RAPGEF4: variants seen among roughly 807,000 people sequenced by gnomAD.
RAPGEF4 encodes the protein RAP guanine-nucleotide-exchange factor (GEF) 4.
RAPGEF4 carries 66 observed loss-of-function variants against 147.9 expected under a neutral mutation model. The ratio of observed to expected loss-of-function variants is 0.45; its 90% CI spans 0.37 to 0.55. The LOEUF (loss-of-function observed/expected upper bound fraction) is 0.55, where lower values mean the gene tolerates loss of function less well. RAPGEF4 is among the 20% of genes least tolerant of loss of function. The probability of loss-of-function intolerance (pLI) is 0.00; values close to 1 mark genes in which losing one functional copy is unlikely to be tolerated. For synonymous variants in RAPGEF4, 419 were observed against 442.7 expected (o/e 0.95, Z 0.67); for missense variants, 1,071 against 1,257.3 (o/e 0.85, Z 2.24).
chr2:172,925,598 ACAC>A (rs1685207443), intron 6 of RAPGEF4, among the ~76,000 whole-genome samples: 1 of 151,548 alleles, frequency 6.6e-6, no homozygotes, highest in South Asian at 2.1e-4. Flanking sequence ...ACACACACAC[ACAC>A]ACACACACAC....
At chr2:172,859,500 A>T (rs1352600987) in intron 4 of RAPGEF4, among the ~76,000 whole-genome samples, 1 of 152,240 alleles carries the variant, frequency 6.6e-6, no homozygotes, top group African/African-American at 2.4e-5. Context: ...TGTTGATAGC[A>T]GGTTGCAACA....
At chr2:172,811,117 T>A (rs1374780371) in intron 3 of RAPGEF4, among the ~76,000 whole-genome samples, 2 of 152,218 alleles carry the variant, frequency 1.3e-5, no homozygotes, top group African/African-American at 2.4e-5. Flanking sequence ...ATCTTCCCAC[T>A]CTCATGTCCT....
At chr2:172,970,879 C>T (rs894250374) in intron 10 of RAPGEF4, among the ~76,000 whole-genome samples, 5 of 152,106 alleles carry the variant, frequency 3.3e-5, no homozygotes, top group Admixed American at 6.6e-5. Context: ...TCACAATGCC[C>T]GTCCTGGTTT....
At chr2:172,889,522 C>T (rs1184650377) in intron 4 of RAPGEF4, among the ~76,000 whole-genome samples, 2 of 152,066 alleles carry the variant, frequency 1.3e-5, no homozygotes, top group African/African-American at 4.8e-5. Context: ...TGCCTCTTCT[C>T]CCACAGAGGT....
At chr2:172,763,088 T>C (rs1432449646) in intron 1 of RAPGEF4, among the ~76,000 whole-genome samples, 1 of 152,210 alleles carries the variant, frequency 6.6e-6, no homozygotes, top group Non-Finnish European at 1.5e-5. Context: ...AATCTTTTTC[T>C]AACTTGATGA....
Position 173,041,132 on chromosome 2 carries a change from T to C in RAPGEF4, c.2853+4440T>C, listed in dbSNP as rs970296546. On this transcript the variant is annotated intron_variant, in intron 29 of 30. Transcript: ENST00000397081. ...GCTAATTCATTAAGGAAGAGAAATG[T>C]TTTGAATCCTTTTATTTTTGTATCA... 3.9e-5 allele frequency among the ~76,000 whole-genome samples: 6 copies of C among 152,188 alleles called. No homozygotes were observed. The East Asian group carries it at 9.6e-4, about 24-fold the overall frequency.
At chr2:172,925,042 A>G (rs1361196496) in intron 6 of RAPGEF4, among the ~76,000 whole-genome samples, 13 of 152,186 alleles carry the variant, frequency 8.5e-5, no homozygotes, top group East Asian at 1.9e-4. Flanking sequence ...CCGCAGTGGC[A>G]TGATCTCAGC....
At chr2:172,903,978 G>A (rs73977728) in intron 4 of RAPGEF4, among the ~76,000 whole-genome samples, 62 of 152,218 alleles carry the variant, frequency 4.1e-4, no homozygotes, top group Non-Finnish European at 6.8e-4. Flanking sequence ...ACTGCAGGGC[G>A]AGAAAGCAAA....
chr2:172,912,712 A>G (rs1479283834), intron 4 of RAPGEF4, among the ~76,000 whole-genome samples: 1 of 152,150 alleles, frequency 6.6e-6, no homozygotes, highest in African/African-American at 2.4e-5. Flanking sequence ...ATATACAGCT[A>G]AGAGAAAGCA....
intron 10 of RAPGEF4, 44 bp downstream of exon 10, chr2:172,967,488 C>A: frequency 6.3e-7 from 1 of 1,577,646 alleles, no homozygotes; most frequent in South Asian, 1.2e-5. Flanking sequence ...CCCAAGGCCG[C>A]CTAGTGCATA....
intron 4 of RAPGEF4, among the ~76,000 whole-genome samples, chr2:172,822,276 A>G (rs1689151552): frequency 6.6e-6 from 1 of 152,246 alleles, no homozygotes. Context: ...ATAACTAGGC[A>G]GAGTAACATT....
intron 6 of RAPGEF4, among the ~76,000 whole-genome samples, chr2:172,955,648 C>T (rs1688652401): frequency 6.6e-6 from 1 of 152,156 alleles, no homozygotes; most frequent in Non-Finnish European, 1.5e-5. Context: ...CCATGCCTTT[C>T]GGGGCTCATT....
rs754182523 is a variant in RAPGEF4 at position 173,033,940 on chromosome 2, C to A, written c.2676C>A (p.Phe892Leu). ...AACTGCCAAGCAAGTTCAAGAAGTT[C>A]TATGCGGAGTTTGAAAGTTTAATGG... is the stretch of plus-strand genomic sequence containing the variant. ...WEKLPSKFKK[F>L]YAEFESLMDP... Residue 892 changes from phenylalanine to leucine, a missense_variant, in exon 27 of 31, where the codon TTC (phenylalanine) becomes TTA (leucine). Physicochemically the swap from Phe to Leu is conservative, Grantham distance 22 (BLOSUM62 0). Transcript: ENST00000397081. 7 of 1,612,994 alleles carry A rather than the reference C, an allele frequency of 4.3e-6. No homozygotes were observed. The Admixed American group carries it at 1.2e-4, about 27-fold the overall frequency.
chr2:172,849,008 C>T (rs1175299079), intron 4 of RAPGEF4, among the ~76,000 whole-genome samples: 1 of 151,744 alleles, frequency 6.6e-6, no homozygotes, highest in Non-Finnish European at 1.5e-5. Context: ...CCATCTATAG[C>T]AGAGGGCTTT....
intron 6 of RAPGEF4, among the ~76,000 whole-genome samples, chr2:172,945,119 T>A (rs754341228): frequency 3.3e-5 from 5 of 152,198 alleles, no homozygotes; most frequent in African/African-American, 7.2e-5. Flanking sequence ...TTGGCATATC[T>A]AATTGAAACC....
chr2:172,793,955 A>G (rs749823521), intron 1 of RAPGEF4, among the ~76,000 whole-genome samples: 6 of 151,394 alleles, frequency 4.0e-5, no homozygotes, highest in Non-Finnish European at 7.4e-5. Flanking sequence ...GGGCAATATG[A>G]TGAAACCCCG....
chr2:172,839,648 C>G (rs1305056781), intron 4 of RAPGEF4, among the ~76,000 whole-genome samples: 1 of 151,370 alleles, frequency 6.6e-6, no homozygotes, highest in Non-Finnish European at 1.5e-5. Context: ...AGTTAGAATG[C>G]CTTAAGCATC....
chr2:173,046,777 C>T (rs1011755252), intron 29 of RAPGEF4, among the ~76,000 whole-genome samples: 51 of 152,314 alleles, frequency 3.3e-4, no homozygotes, highest in African/African-American at 1.2e-3. Flanking sequence ...AAGTGAAGTT[C>T]TAACTTTTCC....
Position 172,872,649 on chromosome 2 carries a change from A to C in RAPGEF4, c.445-45153A>C, listed in dbSNP as rs143554581. Reference sequence around the variant, plus strand: ...ATCTGATGGTTTAAAAATATGTGGCACTTCCCCCCTCGCTCCCTCTCTCTC... The same window carrying C: ...ATCTGATGGTTTAAAAATATGTGGCCCTTCCCCCCTCGCTCCCTCTCTCTC... On this transcript the variant is annotated intron_variant, in intron 4 of 30. Transcript: ENST00000397081. 1.6e-3 allele frequency among the ~76,000 whole-genome samples: 238 copies of C among 151,814 alleles called. 1 individual carries two copies. The highest frequency in any genetic ancestry group is 5.3e-3 in the African/African-American group (220 of 41,402).
Sources: allele counts gnomAD v4.1 joint callset (sites outside exome capture counted in the v4.1 genomes callset), GRCh38; gene constraint gnomAD v4.1.1; transcripts MANE v1.5; gene names NCBI Gene and HGNC (gene_info 2026-07-23, HGNC 2026-07-21).